Variants in KDM5C observed in about 807,000 individuals in gnomAD.
KDM5C encodes lysine-specific demethylase 5C.
A neutral mutation model predicts 110.6 loss-of-function variants in KDM5C; 16 were observed. The observed-to-expected ratio is 0.14, with a 90% confidence interval of 0.10 to 0.22. KDM5C has a LOEUF of 0.22. Ranked by LOEUF, KDM5C falls within the 10% of genes least tolerant of loss-of-function variation. KDM5C has a pLI of 1.00. For missense variants in KDM5C, 681 were observed against 1,300.9 expected (o/e 0.52, Z 7.33); for synonymous variants, 511 against 520.4 (o/e 0.98, Z 0.24).
intron 8 of KDM5C, 107 bp from the exon 9 acceptor site, chrX:53,212,013 CT>C (rs1341076468): frequency 1.3e-4 from 129 of 992,961 alleles, no homozygotes; most frequent in Non-Finnish European, 1.4e-4. Flanking sequence ...AGCCCTAGGT[CT>C]GCACTCAAGG....
In KDM5C at chrX:53,193,215, G is replaced by C. The variant is rs1556832447; in HGVS notation, c.4435C>G (p.Pro1479Ala). The change falls in exon 26 of 26, where the codon CCA (proline) becomes GCA (alanine). Residue 1479 changes from proline to alanine, a missense_variant. Physicochemically the swap from Pro to Ala is conservative, Grantham distance 27. Transcript: ENST00000375401. The part of the protein sequence containing the change: ...GDDPAREELE[P>A]KRVRSSGPEA... Reference sequence around the variant, plus strand: ...GGCCCTGAGCTCCGTACCCTCTTTGGCTCTAGCTCCTCTCGGGCTGGGTCA... The same window carrying C: ...GGCCCTGAGCTCCGTACCCTCTTTGCCTCTAGCTCCTCTCGGGCTGGGTCA... The C allele has an allele frequency of 8.3e-7, 1 of 1,209,638 alleles. No homozygotes were observed. The highest frequency in any genetic ancestry group is 3.0e-5 in the East Asian group (1 of 33,715).
chrX:53,196,795 C>A lies in KDM5C; in HGVS notation c.2872G>T (p.Ala958Ser), dbSNP rs372850227. The change falls in exon 19 of 26, where the codon GCC becomes TCC. Residue 958 changes from alanine (A) to serine (S), a missense_variant. Physicochemically the swap from Ala to Ser is moderately conservative, Grantham distance 99. Around this residue, in one of 14 missense-constraint regions of KDM5C, gnomAD observed 123 missense variants for 169.0 expected, o/e 0.73. Transcript: ENST00000375401. ...AVMRGLLVAGASVAPSPAVDK... is the reference protein window; with the variant it reads ...AVMRGLLVAGSSVAPSPAVDK... ...ACAGCAGGGCTAGGGGCTACACTGG[C>A]ACCCGCGACCAACAGTCCTCGCATG... 2 of 1,212,019 alleles carry A rather than the reference C, an allele frequency of 1.7e-6. No individual in the cohort carries two copies. The highest frequency in any genetic ancestry group is 3.5e-5 in the South Asian group (2 of 56,960).
chrX:53,201,415 A>C, intron 14 of KDM5C, 135 bp downstream of exon 14: 1 of 590,375 alleles, frequency 1.7e-6, no homozygotes, highest in Non-Finnish European at 2.9e-6. Flanking sequence ...AGAGAATGGT[A>C]TGTGGTTTTC....
intron 25 of KDM5C, among the ~76,000 whole-genome samples, chrX:53,183,958 C>G (rs1431366844): frequency 8.9e-6 from 1 of 111,987 alleles, no homozygotes; most frequent in Non-Finnish European, 1.9e-5. Flanking sequence ...GTATCAACAT[C>G]TTATCAGTAT....
chrX:53,182,077 C>CCCGCTAG (rs1934078437), intron 25 of KDM5C, among the ~76,000 whole-genome samples: 1 of 107,210 alleles, frequency 9.3e-6, no homozygotes, highest in Non-Finnish European at 1.9e-5. Flanking sequence ...CATGAGCCAC[C>CCCGCTAG]CTTTTTTGTT....
At chrX:53,198,363 T>C in intron 17 of KDM5C, 127 bp downstream of exon 17, 2 of 865,306 alleles carry the variant, frequency 2.3e-6, no homozygotes, top group South Asian at 4.4e-5. Context: ...CACACTCTTG[T>C]GCCTGGCAGC....
At chrX:53,220,027 G>A (rs1397109736) in intron 2 of KDM5C, among the ~76,000 whole-genome samples, 1 of 112,370 alleles carries the variant, frequency 8.9e-6, no homozygotes, top group Non-Finnish European at 1.9e-5. Context: ...AGGAACTCTG[G>A]TCTAGAACAC....
downstream of KDM5C, among the ~76,000 whole-genome samples, chrX:53,186,572 C>T (rs1353426046): frequency 8.9e-6 from 1 of 112,706 alleles, no homozygotes; most frequent in African/African-American, 3.2e-5. Flanking sequence ...AACTGCTGTA[C>T]TGCCATCCCT....
At chrX:53,183,689 C>G (rs1934134940) in intron 25 of KDM5C, among the ~76,000 whole-genome samples, 1 of 109,006 alleles carries the variant, frequency 9.2e-6, no homozygotes, top group African/African-American at 3.3e-5. Context: ...CTGCCTCAGC[C>G]TCCCGAGTAG....
chrX:53,205,076 A>G (rs1556844584), intron 12 of KDM5C, among the ~76,000 whole-genome samples: 1 of 112,136 alleles, frequency 8.9e-6, no homozygotes, highest in Non-Finnish European at 1.9e-5. Flanking sequence ...GTGGAGTTTC[A>G]GTACAGAATG....
At chrX:53,204,479 C>T (rs1365073005) in intron 12 of KDM5C, among the ~76,000 whole-genome samples, 1 of 110,947 alleles carries the variant, frequency 9.0e-6, no homozygotes, top group African/African-American at 3.3e-5. Context: ...TTTCTAGCTG[C>T]CCAGCATGGG....
chrX:53,211,512 T>C lies in KDM5C; in HGVS notation c.1386A>G (p.Leu462=). ...GFPVSDSKRH[L]TPEEEEYATS... The stretch of plus-strand genomic sequence containing the variant: ...ATCCACTCACCTCCTCTTCGGGGGT[T>C]AGGTGCCGTTTACTGTCACTGACAG... The change falls in exon 10 of 26, where the codon CTA becomes CTG. Residue 462 remains leucine, a synonymous_variant. Transcript: ENST00000375401. 8 of 1,211,854 alleles carry C rather than the reference T, an allele frequency of 6.6e-6. No individual in the cohort carries two copies. The highest frequency in any genetic ancestry group is 8.9e-6 in the Non-Finnish European group (8 of 895,418).
chrX:53,211,764 T>C (rs951923595), intron 9 of KDM5C, 23 bp downstream of exon 9: 5 of 1,209,411 alleles, frequency 4.1e-6, no homozygotes, highest in Admixed American at 4.4e-5. Flanking sequence ...AGCCCAACAC[T>C]ACCTCAGCCC....
At chrX:53,189,332 T>G (rs1556829248), downstream of KDM5C, among the ~76,000 whole-genome samples, 1 of 112,001 alleles carries the variant, frequency 8.9e-6, no homozygotes, top group African/African-American at 3.2e-5. Context: ...TCACAGAGAT[T>G]TGGTGAAAAT....
At chrX:53,218,513 G>C (rs1411931422) in intron 2 of KDM5C, 115 bp from the exon 3 acceptor site, 15 of 874,009 alleles carry the variant, frequency 1.7e-5, no homozygotes, top group Non-Finnish European at 2.5e-5. Flanking sequence ...CACTACCCAG[G>C]GTTTCTCCCA....
chrX:53,193,621 G>C lies in KDM5C; in HGVS notation c.4133C>G (p.Ser1378Cys). 2.5e-6 allele frequency: 3 copies of C among 1,211,978 alleles called. No homozygotes were observed. The highest frequency in any genetic ancestry group is 3.4e-6 in the Non-Finnish European group (3 of 895,447). ...GSGKRDLELL[S>C]SLLPQLTGPV... is the part of the protein sequence containing the mutation. ...GCCAGTCAACTGTGGCAACAGCGAG[G>C]ACAGCAGCTCCAGATCTAGGAGGTT... is the stretch of plus-strand genomic sequence containing the variant. The change falls in exon 25 of 26, where the codon TCC becomes TGC. Residue 1378 changes from serine (S) to cysteine (C), a missense_variant. Ser to Cys is a moderately radical substitution (Grantham distance 112). Around this residue, in one of 14 missense-constraint regions of KDM5C, gnomAD observed 88 missense variants for 85.6 expected, o/e 1.03. Coordinates refer to ENST00000375401, the MANE Select transcript of KDM5C (RefSeq NM_004187.5).
intron 25 of KDM5C, among the ~76,000 whole-genome samples, chrX:53,181,067 C>T (rs1317869806): frequency 9.1e-6 from 1 of 109,887 alleles, no homozygotes; most frequent in African/African-American, 3.3e-5. Context: ...ATCCGCCCAC[C>T]TCGGCCTTCC....
chrX:53,205,357 C>T (rs2073292104), intron 12 of KDM5C, among the ~76,000 whole-genome samples: 1 of 112,324 alleles, frequency 8.9e-6, no homozygotes, highest in Admixed American at 9.4e-5. Flanking sequence ...CATATCTCCA[C>T]ATTTATTTGG....
chrX:53,197,120 T>C, intron 18 of KDM5C, 76 bp from the exon 19 acceptor site: 2 of 784,458 alleles, frequency 2.5e-6, no homozygotes, highest in Non-Finnish European at 3.8e-6. Context: ...TGGAACCTTG[T>C]CCCACCTATC....
Sources: allele counts gnomAD v4.1 joint callset (sites outside exome capture counted in the v4.1 genomes callset), GRCh38; gene constraint gnomAD v4.1.1; regional missense constraint gnomAD v4.1.1; transcripts MANE v1.5; gene names NCBI Gene and HGNC (gene_info 2026-07-23, HGNC 2026-07-21).